Variants in STT3B observed in about 807,000 individuals in gnomAD.
The protein encoded by STT3B is STT3 oligosaccharyltransferase complex catalytic subunit B.
In STT3B, 29 loss-of-function variants were observed where a neutral mutation model predicts 96.8. The observed-to-expected ratio is 0.30, with a 90% CI of 0.22 to 0.41. The LOEUF is 0.41. Among genes scored for constraint, STT3B ranks in the 10% least tolerant of loss-of-function variants. The pLI, the probability that STT3B is intolerant of heterozygous loss-of-function variation, is 1.00. For missense variants in STT3B, 640 were observed against 1,022.3 expected (o/e 0.63, Z 5.10); for synonymous variants, 367 against 360.0 (o/e 1.02, Z -0.22).
chr3:31,558,765 T>C (rs1052501763), intron 1 of STT3B, among the ~76,000 whole-genome samples: 3 of 152,172 alleles, frequency 2.0e-5, no homozygotes, highest in Admixed American at 1.3e-4. Flanking sequence ...GAAAGTTTGG[T>C]AAAATTTGAC....
intron 9 of STT3B, among the ~76,000 whole-genome samples, chr3:31,621,334 G>A (rs908679436): frequency 6.6e-6 from 1 of 152,088 alleles, no homozygotes; most frequent in Non-Finnish European, 1.5e-5. Context: ...GAGGCATGAG[G>A]ACATATAAAA....
rs1285359521 is a variant in STT3B at position 31,553,120 on chromosome 3, C to A, written c.314+19808C>A. ...CCGTCTCAAAAAAAAAAAAAAAAAACCAAATAAAACTTGATAGGGAGGAAC... is the reference window on the plus strand; with the variant it reads ...CCGTCTCAAAAAAAAAAAAAAAAAAACAAATAAAACTTGATAGGGAGGAAC... On this transcript the variant is annotated intron_variant, in intron 1 of 15. Coordinates refer to ENST00000295770, the MANE Select transcript of STT3B (RefSeq NM_178862.3). Among the ~76,000 whole-genome samples the A allele has an allele frequency of 4.9e-3, 685 of 140,768 alleles. 7 individuals are homozygous for A. Among genetic ancestry groups the A allele is most frequent in the African/African-American group, 0.015 (543 of 36,620 alleles). The allele number at this position is 140,768 out of a possible 152,430, so 92.3% of individuals were successfully genotyped here. A position where few individuals can be genotyped will look rare whatever the true frequency, so the allele number is the denominator to read the frequency against.
intron 13 of STT3B, 122 bp downstream of exon 13, chr3:31,626,249 C>A (rs759564504): frequency 1.9e-5 from 17 of 875,658 alleles, no homozygotes; most frequent in Admixed American, 3.1e-5. Context: ...GTTCCTTACC[C>A]TGGCTTTACT....
intron 3 of STT3B, among the ~76,000 whole-genome samples, chr3:31,583,334 T>G (rs1575425887): frequency 1.3e-5 from 2 of 152,148 alleles, no homozygotes; most frequent in Admixed American, 6.5e-5. Flanking sequence ...CAAAGTCTGT[T>G]TTTTCTTTTT....
At chr3:31,603,506 A>G (rs1006793369) in intron 5 of STT3B, among the ~76,000 whole-genome samples, 1 of 152,060 alleles carries the variant, frequency 6.6e-6, no homozygotes, top group Non-Finnish European at 1.5e-5. Context: ...TAAATGTTTA[A>G]AAATTATGTT....
rs949401027 is a variant in STT3B, at chr3:31,559,146, G to GGGGGGT, written c.315-17249_315-17248insGGGGTG. Among the ~76,000 whole-genome samples the GGGGGGT allele has an allele frequency of 2.7e-3, 314 of 116,518 alleles. 1 individual carries two copies. The highest frequency in any genetic ancestry group is 3.1e-3 in the Admixed American group (35 of 11,320). 76.4% of individuals were successfully genotyped at this position (116,518 alleles called of 152,430 possible). A position where few individuals can be genotyped will look rare whatever the true frequency, so the allele number is the denominator to read the frequency against. ...TTGTTTTTGTTTCATTGATTCTTGGGGTGTGTGTGTGTGTGTGTGTGTGTG... is the reference window on the plus strand; with the variant it reads ...TTGTTTTTGTTTCATTGATTCTTGGGGGGGGTGTGTGTGTGTGTGTGTGTGTGTGTG... On this transcript the variant is annotated intron_variant, in intron 1 of 15. Coordinates refer to ENST00000295770, the MANE Select transcript of STT3B (RefSeq NM_178862.3).
At chr3:31,594,722 C>T (rs75274010) in intron 3 of STT3B, among the ~76,000 whole-genome samples, 2 of 152,120 alleles carry the variant, frequency 1.3e-5, no homozygotes, top group South Asian at 4.1e-4. Flanking sequence ...GCCCAGCCCC[C>T]CTTCACAGGT....
At chr3:31,567,527 C>T (rs73824187) in intron 1 of STT3B, among the ~76,000 whole-genome samples, 1,778 of 152,178 alleles carry the variant, frequency 0.012, 37 homozygotes, top group African/African-American at 0.041. Flanking sequence ...ATATATTGTT[C>T]TTCCACTTAA....
intron 1 of STT3B, among the ~76,000 whole-genome samples, chr3:31,573,935 G>A (rs2125450899): frequency 6.6e-6 from 1 of 152,104 alleles, no homozygotes; most frequent in South Asian, 2.1e-4. Context: ...TCAAGAGACT[G>A]TTGTAGTCAT....
chr3:31,628,446 G>T (rs1699582449), intron 13 of STT3B, among the ~76,000 whole-genome samples: 1 of 152,072 alleles, frequency 6.6e-6, no homozygotes, highest in Non-Finnish European at 1.5e-5. Context: ...ATGGAATTTA[G>T]ATTGTTTCCA....
chr3:31,564,177 T>C (rs935827223), intron 1 of STT3B, among the ~76,000 whole-genome samples: 1 of 152,242 alleles, frequency 6.6e-6, no homozygotes, highest in African/African-American at 2.4e-5. Context: ...AAAGTGGGAA[T>C]GTTTAAACAT....
At position 31,580,036 on chromosome 3, in the gene STT3B, T is replaced by C. The variant is rs1160947237; in HGVS notation, c.651T>C (p.Ala217=). 6.2e-7 allele frequency: 1 copy of C among 1,613,868 alleles called. No homozygotes were observed. The highest frequency in any genetic ancestry group is 1.3e-5 in the African/African-American group (1 of 75,036). Residue 217 remains alanine (A), a synonymous_variant, in exon 3 of 16, where the codon GCT becomes GCC. Coordinates refer to ENST00000295770, the MANE Select transcript of STT3B (RefSeq NM_178862.3). ...IVPGYISRSV[A]GSFDNEGIAI... ...CAGGCTACATATCTCGGTCAGTAGCTGGATCCTTTGATAATGAAGGCATTG... is the reference window on the plus strand; with the variant it reads ...CAGGCTACATATCTCGGTCAGTAGCCGGATCCTTTGATAATGAAGGCATTG...
At chr3:31,555,260 G>T (rs1697677706) in intron 1 of STT3B, among the ~76,000 whole-genome samples, 1 of 152,082 alleles carries the variant, frequency 6.6e-6, no homozygotes, top group Non-Finnish European at 1.5e-5. Context: ...CACTTACTCT[G>T]TGCTGCCTCT....
intron 3 of STT3B, among the ~76,000 whole-genome samples, chr3:31,589,365 C>T (rs977545368): frequency 2.0e-5 from 3 of 151,904 alleles, no homozygotes; most frequent in Non-Finnish European, 2.9e-5. Flanking sequence ...GGGTCTTTTA[C>T]GTAGACAATC....
chr3:31,568,391 T>C (rs550294066), intron 1 of STT3B, among the ~76,000 whole-genome samples: 118 of 152,322 alleles, frequency 7.7e-4, no homozygotes, highest in Non-Finnish European at 1.4e-3. Flanking sequence ...GTGGGATTGC[T>C]GGATTATATG....
At chr3:31,627,865 C>G (rs1252108168) in intron 13 of STT3B, among the ~76,000 whole-genome samples, 1 of 152,060 alleles carries the variant, frequency 6.6e-6, no homozygotes, top group African/African-American at 2.4e-5. Flanking sequence ...TTCTGTGCAT[C>G]TTAAATTATT....
intron 5 of STT3B, among the ~76,000 whole-genome samples, chr3:31,601,621 G>C (rs1248706208): frequency 6.6e-6 from 1 of 152,102 alleles, no homozygotes; most frequent in Non-Finnish European, 1.5e-5. Context: ...GAGAGGAGAG[G>C]AGAGGTGTGA....
chr3:31,571,160 G>A (rs1454895428), intron 1 of STT3B, among the ~76,000 whole-genome samples: 4 of 152,092 alleles, frequency 2.6e-5, no homozygotes, highest in African/African-American at 9.7e-5. Flanking sequence ...TGAACAGGCA[G>A]CTCTAATCCT....
At chr3:31,567,723 A>G (rs1038993622) in intron 1 of STT3B, among the ~76,000 whole-genome samples, 20 of 152,166 alleles carry the variant, frequency 1.3e-4, no homozygotes, top group African/African-American at 4.6e-4. Context: ...AATTATGGGT[A>G]CATAATAGAT....
Sources: gnomAD v4.1 joint callset for allele counts (sites outside exome capture counted in the v4.1 genomes callset) on GRCh38, gnomAD v4.1.1 for gene constraint, MANE v1.5 for transcripts, NCBI Gene and HGNC (gene_info 2026-07-23, HGNC 2026-07-21) for gene names.